The following ATP8B4 variants were observed in gnomAD, a reference collection of about 807,000 sequenced individuals.
The protein encoded by ATP8B4 is ATPase phospholipid transporting 8B4 (putative), also known as probable phospholipid-transporting ATPase IM.
ATP8B4 carries 133 observed loss-of-function variants against 145.6 expected under a neutral mutation model. The observed-to-expected ratio is 0.91, with a 90% CI of 0.79 to 1.05. The LOEUF (loss-of-function observed/expected upper bound fraction) is 1.05, where lower values mean the gene tolerates loss of function less well. ATP8B4 is among the 50% of genes least tolerant of loss of function. The pLI, the probability that ATP8B4 is intolerant of heterozygous loss-of-function variation, is 0.00. For missense variants in ATP8B4, 1,458 were observed against 1,425.2 expected (o/e 1.02, Z -0.37); for synonymous variants, 507 against 492.9 (o/e 1.03, Z -0.38).
In ATP8B4 at chr15:49,858,335, T is replaced by C. The variant is rs1278587432; in HGVS notation, c.*1859A>G. The stretch of plus-strand genomic sequence containing the variant: ...GGTGAAACTAATGACAAATTAGACA[T>C]TGAAAACCAACATCTGGTTAAGTGT... On this transcript the variant is annotated 3_prime_UTR_variant, in exon 28 of 28. Transcript: ENST00000284509. The C allele has an allele frequency of 6.6e-6, 1 of 152,192 alleles. No individual in the cohort carries two copies. The highest frequency in any genetic ancestry group is 2.4e-5 in the African/African-American group (1 of 41,440). The allele number at this position is 152,192 out of a possible 1,614,324, so 9.4% of individuals were successfully genotyped here.
At position 49,971,773 on chromosome 15, in the gene ATP8B4, A is replaced by G. The variant is rs1296507933; in HGVS notation, c.1243+809T>C. The stretch of plus-strand genomic sequence containing the variant: ...TGACCCAGCAATTCCATTACTGGGT[A>G]TATACCCAAAGGATTACAAATCATT... On this transcript the variant is annotated intron_variant, in intron 13 of 27. Transcript: ENST00000284509. Among the ~76,000 whole-genome samples the G allele has an allele frequency of 2.0e-5, 3 of 152,236 alleles. No individual in the cohort carries two copies. The East Asian group carries it at 5.8e-4, about 29-fold the overall frequency.
intron 1 of ATP8B4, among the ~76,000 whole-genome samples, chr15:50,143,165 G>A (rs1197406280): frequency 1.3e-5 from 2 of 152,310 alleles, no homozygotes; most frequent in African/African-American, 4.8e-5. Flanking sequence ...GAGGCTTGAT[G>A]TTGTATTATC....
At chr15:50,129,220 T>C (rs1360081511) in intron 1 of ATP8B4, among the ~76,000 whole-genome samples, 1 of 152,262 alleles carries the variant, frequency 6.6e-6, no homozygotes, top group Middle Eastern at 3.4e-3. Context: ...CAAATTCATA[T>C]CAAGAACGCT....
intron 20 of ATP8B4, among the ~76,000 whole-genome samples, chr15:49,905,795 A>C (rs1291601253): frequency 6.6e-6 from 1 of 152,150 alleles, no homozygotes; most frequent in African/African-American, 2.4e-5. Context: ...ACACTATTAC[A>C]ACATCAGATA....
chr15:50,165,045 C>CT (rs917583394), intron 1 of ATP8B4, among the ~76,000 whole-genome samples: 16 of 150,950 alleles, frequency 1.1e-4, no homozygotes, highest in Non-Finnish European at 1.8e-4. Context: ...TACCTCTTTC[C>CT]TTTTTTTTTC....
intron 1 of ATP8B4, among the ~76,000 whole-genome samples, chr15:50,117,873 A>G (rs2057200770): frequency 4.6e-5 from 7 of 152,242 alleles, no homozygotes; most frequent in Admixed American, 4.6e-4. Context: ...ACTGGAGGAT[A>G]TTATGTTAAG....
At chr15:49,889,677 C>T (rs2036586783) in intron 23 of ATP8B4, among the ~76,000 whole-genome samples, 1 of 152,186 alleles carries the variant, frequency 6.6e-6, no homozygotes, top group Non-Finnish European at 1.5e-5. Flanking sequence ...CAGGATGGGG[C>T]ATTGGCTGGA....
chr15:50,016,078 T>C (rs1429591277), intron 6 of ATP8B4, among the ~76,000 whole-genome samples: 1 of 152,222 alleles, frequency 6.6e-6, no homozygotes. Flanking sequence ...TTGTGCATTA[T>C]TCAGATGCAG....
At chr15:49,925,346 C>G (rs761150317) in intron 16 of ATP8B4, among the ~76,000 whole-genome samples, 32 of 152,142 alleles carry the variant, frequency 2.1e-4, no homozygotes, top group Non-Finnish European at 4.3e-4. Context: ...ATTCCCATAT[C>G]TGTTTCTGCA....
intron 14 of ATP8B4, among the ~76,000 whole-genome samples, chr15:49,949,601 A>G (rs112468040): frequency 0.013 from 1,904 of 152,288 alleles, 20 homozygotes; most frequent in Admixed American, 0.021. Context: ...ATATAAAATC[A>G]TATCGTATGC....
chr15:49,932,265 T>C (rs1198396688), intron 15 of ATP8B4, among the ~76,000 whole-genome samples: 1 of 151,858 alleles, frequency 6.6e-6, no homozygotes, highest in Non-Finnish European at 1.5e-5. Context: ...TATGTATATA[T>C]TTATGAGCCA....
At chr15:49,938,200 T>G (rs2041885132) in intron 14 of ATP8B4, among the ~76,000 whole-genome samples, 1 of 152,194 alleles carries the variant, frequency 6.6e-6, no homozygotes. Context: ...GTACATAGTT[T>G]ACAGGCCGTG....
At chr15:49,942,047 G>A (rs960625358) in intron 14 of ATP8B4, among the ~76,000 whole-genome samples, 1 of 150,880 alleles carries the variant, frequency 6.6e-6, no homozygotes, top group African/African-American at 2.4e-5. Context: ...GAAGTGAGGA[G>A]GGTGGGAAGA....
chr15:49,962,721 C>A (rs1025999961), intron 13 of ATP8B4, among the ~76,000 whole-genome samples: 34 of 151,918 alleles, frequency 2.2e-4, no homozygotes, highest in Admixed American at 2.0e-4. Context: ...TGTTCATAAT[C>A]TTCTTGTTTT....
intron 14 of ATP8B4, among the ~76,000 whole-genome samples, chr15:49,940,277 A>T (rs1241119779): frequency 6.6e-6 from 1 of 152,182 alleles, no homozygotes; most frequent in Non-Finnish European, 1.5e-5. Flanking sequence ...CCATTACCTT[A>T]AGCAAACTAA....
At chr15:49,864,631 A>G (rs553004355) in intron 26 of ATP8B4, among the ~76,000 whole-genome samples, 1 of 152,340 alleles carries the variant, frequency 6.6e-6, no homozygotes, top group South Asian at 2.1e-4. Context: ...GACCAGAGGT[A>G]TACTCTTTGT....
Position 49,858,808 on chromosome 15 carries a change from T to C in ATP8B4, c.*1386A>G, listed in dbSNP as rs1209762133. 2 of 152,226 alleles carry C rather than the reference T, an allele frequency of 1.3e-5. No homozygotes were observed. Among genetic ancestry groups the C allele is most frequent in the East Asian group, 3.8e-4 (2 of 5,198 alleles). The allele number at this position is 152,226 out of a possible 1,614,324, so 9.4% of individuals were successfully genotyped here. A position where few individuals can be genotyped will look rare whatever the true frequency, so the allele number is the denominator to read the frequency against. On this transcript the variant is annotated 3_prime_UTR_variant, in exon 28 of 28. Transcript: ENST00000284509. ...CTCACTGACTATTTAGATTCCAGTTTTTTCATATTCTCTTCCAATTGCTCT... is the reference window on the plus strand; with the variant it reads ...CTCACTGACTATTTAGATTCCAGTTCTTTCATATTCTCTTCCAATTGCTCT...
chr15:50,109,317 A>G (rs2153670052), intron 1 of ATP8B4, among the ~76,000 whole-genome samples: 1 of 152,350 alleles, frequency 6.6e-6, no homozygotes, highest in East Asian at 1.9e-4. Context: ...CACAGACAAA[A>G]GTGAGTTTTC....
chr15:50,132,788 G>T (rs1437172494), intron 1 of ATP8B4, among the ~76,000 whole-genome samples: 1 of 152,160 alleles, frequency 6.6e-6, no homozygotes, highest in African/African-American at 2.4e-5. Context: ...CCACAAAAAA[G>T]GATGAGTTCA....
Sources: allele counts gnomAD v4.1 joint callset (sites outside exome capture counted in the v4.1 genomes callset), GRCh38; gene constraint gnomAD v4.1.1; transcripts MANE v1.5; gene names NCBI Gene and HGNC (gene_info 2026-07-23, HGNC 2026-07-21).